GLG1: variants seen among roughly 807,000 people sequenced by gnomAD.
The protein encoded by GLG1 is golgi glycoprotein 1.
GLG1 carries 38 observed loss-of-function variants against 160.5 expected under a neutral mutation model. The ratio of observed to expected loss-of-function variants is 0.24; its 90% CI spans 0.18 to 0.31. GLG1 has a LOEUF of 0.31. GLG1 is among the 10% of genes least tolerant of loss of function. GLG1 has a pLI of 1.00. For synonymous variants in GLG1, 644 were observed against 543.4 expected, an observed-to-expected ratio of 1.19 and a Z score of -2.57; for missense variants, 1,373 against 1,505.2, an observed-to-expected ratio of 0.91 and a Z score of 1.45.
At chr16:74,472,306 T>G in intron 14 of GLG1, 43 bp downstream of exon 14, 2 of 1,365,222 alleles carry the variant, frequency 1.5e-6, no homozygotes, top group Non-Finnish European at 2.1e-6. Flanking sequence ...TCCCTGTCAA[T>G]TTGTTTCTGT....
intron 4 of GLG1, among the ~76,000 whole-genome samples, chr16:74,500,383 C>A (rs555973900): frequency 6.6e-6 from 1 of 151,910 alleles, no homozygotes; most frequent in Admixed American, 6.6e-5. Context: ...AATCTACTGC[C>A]ATTGCCTTGA....
intron 1 of GLG1, among the ~76,000 whole-genome samples, chr16:74,558,116 T>C (rs2143725365): frequency 6.6e-6 from 1 of 152,346 alleles, no homozygotes; most frequent in East Asian, 1.9e-4. Context: ...CTGATTTTCA[T>C]ATATTATATA....
chr16:74,464,835 T>TAA (rs71158516), intron 19 of GLG1, among the ~76,000 whole-genome samples: 1 of 151,730 alleles, frequency 6.6e-6, no homozygotes, highest in African/African-American at 2.4e-5. Flanking sequence ...AGTTTAAGTT[T>TAA]AAAAAAAATT....
At position 74,527,334 on chromosome 16, in the gene GLG1, C is replaced by T. The variant is rs190737614; in HGVS notation, c.471+4787G>A. Among the ~76,000 whole-genome samples the T allele has an allele frequency of 2.5e-3, 366 of 146,828 alleles. 2 individuals are homozygous for T. Among genetic ancestry groups the T allele is most frequent in the African/African-American group, 8.9e-3 (355 of 39,684 alleles). ...GCGCTATCTCGGCTCACTGCAACCT[C>T]TACCTCCCAGATTCAAGTGATTCTC... On this transcript the variant is annotated intron_variant, in intron 2 of 25. Transcript: ENST00000422840.
chr16:74,458,143 TG>T (rs2014635774), intron 23 of GLG1, 149 bp from the exon 24 acceptor site: 1 of 652,980 alleles, frequency 1.5e-6, no homozygotes, highest in African/African-American at 1.8e-5. Flanking sequence ...AAGGTGGTGA[TG>T]ATGTACAGAA....
At chr16:74,598,740 C>T (rs531441326) in intron 1 of GLG1, among the ~76,000 whole-genome samples, 2 of 151,116 alleles carry the variant, frequency 1.3e-5, no homozygotes, top group East Asian at 1.9e-4. Context: ...AAAAATTAGC[C>T]GGGTGTGCTG....
intron 1 of GLG1, among the ~76,000 whole-genome samples, chr16:74,568,094 T>C (rs2018711076): frequency 6.6e-6 from 1 of 152,090 alleles, no homozygotes; most frequent in Non-Finnish European, 1.5e-5. Context: ...CTGGGACACA[T>C]GGAGGAACAG....
chr16:74,550,884 T>C (rs1400437407), intron 1 of GLG1, among the ~76,000 whole-genome samples: 1 of 152,194 alleles, frequency 6.6e-6, no homozygotes, highest in Non-Finnish European at 1.5e-5. Context: ...GCAGTATCAG[T>C]GGGATGGAAT....
chr16:74,529,903 C>T lies in GLG1; in HGVS notation c.471+2218G>A, dbSNP rs147609361. Among the ~76,000 whole-genome samples the T allele has an allele frequency of 1.0e-4, 15 of 147,440 alleles. No homozygotes were observed. The East Asian group carries it at 3.1e-3, about 30-fold the overall frequency. ...ACGATCTCACTGCAACTTCTATCTC[C>T]CCGGTTCAAGCGATTTTCCTGTTTC... is the stretch of plus-strand genomic sequence containing the variant. On this transcript the variant is annotated intron_variant, in intron 2 of 25. Transcript: ENST00000422840.
chr16:74,589,792 C>A (rs917202443), intron 1 of GLG1, among the ~76,000 whole-genome samples: 1 of 152,012 alleles, frequency 6.6e-6, no homozygotes, highest in East Asian at 1.9e-4. Flanking sequence ...AAATTCTTGG[C>A]CGAGCACGGT....
At chr16:74,585,380 G>A (rs1958025190) in intron 1 of GLG1, among the ~76,000 whole-genome samples, 1 of 152,106 alleles carries the variant, frequency 6.6e-6, no homozygotes, top group Non-Finnish European at 1.5e-5. Context: ...GTGCACTGCA[G>A]CCTGGGCAAC....
At chr16:74,486,636 C>T (rs2015793855) in intron 8 of GLG1, among the ~76,000 whole-genome samples, 1 of 152,134 alleles carries the variant, frequency 6.6e-6, no homozygotes, top group South Asian at 2.1e-4. Flanking sequence ...AGGTACTTCA[C>T]ATTTTTTTTC....
At chr16:74,457,702 T>A (rs1321198482) in intron 24 of GLG1, among the ~76,000 whole-genome samples, 172 bp downstream of exon 24, 3 of 152,216 alleles carry the variant, frequency 2.0e-5, no homozygotes, top group African/African-American at 7.2e-5. Context: ...AAATTCATGA[T>A]GCCATAAAGG....
intron 9 of GLG1, among the ~76,000 whole-genome samples, chr16:74,485,191 G>C (rs2015747444): frequency 1.3e-5 from 2 of 152,176 alleles, no homozygotes; most frequent in African/African-American, 4.8e-5. Flanking sequence ...ACAGGCATGA[G>C]CTACTGCATC....
chr16:74,498,982 G>A (rs1466491740), intron 4 of GLG1, among the ~76,000 whole-genome samples: 1 of 148,698 alleles, frequency 6.7e-6, no homozygotes, highest in Non-Finnish European at 1.5e-5. Context: ...TAAAGGATTT[G>A]TCTATAGCAC....
Position 74,508,891 on chromosome 16 carries a change from T to A in GLG1, c.506A>T (p.Asp169Val), listed in dbSNP as rs754824681. 1 of 1,528,946 alleles carries A rather than the reference T, an allele frequency of 6.5e-7. No homozygotes were observed. Among genetic ancestry groups the A allele is most frequent in the South Asian group, 1.1e-5 (1 of 89,298 alleles). 94.7% of individuals were successfully genotyped at this position (1,528,946 alleles called of 1,614,324 possible). The change falls in exon 3 of 26, where the codon GAT becomes GTT. Residue 169 changes from aspartate to valine, a missense_variant. By Grantham distance (152) the Asp-to-Val change is radical. This residue lies in a region of GLG1 where 322 missense variants were observed against 254.6 expected (regional missense o/e 1.26). Coordinates refer to ENST00000422840, the MANE Select transcript of GLG1 (RefSeq NM_001145667.2). ...LWNYKLNLTT[D>V]PKFESVAREV... is the part of the protein sequence containing the mutation. The stretch of plus-strand genomic sequence containing the variant: ...TCTGGCCACAGATTCAAATTTGGGA[T>A]CTGTAGTTAGGTTCAGCTTATAATT...
At chr16:74,490,347 G>A (rs1369679843) in intron 8 of GLG1, among the ~76,000 whole-genome samples, 1 of 151,980 alleles carries the variant, frequency 6.6e-6, no homozygotes, top group African/African-American at 2.4e-5. Context: ...GATAGAAAAA[G>A]GACTCCCACC....
At chr16:74,486,721 T>C (rs1009070519) in intron 8 of GLG1, among the ~76,000 whole-genome samples, 6 of 152,308 alleles carry the variant, frequency 3.9e-5, no homozygotes, top group Admixed American at 6.5e-5. Flanking sequence ...CTATTAATAG[T>C]TCTGGCTCTG....
At chr16:74,598,739 C>T (rs1482767915) in intron 1 of GLG1, among the ~76,000 whole-genome samples, 1 of 151,222 alleles carries the variant, frequency 6.6e-6, no homozygotes, top group Non-Finnish European at 1.5e-5. Context: ...CAAAAATTAG[C>T]CGGGTGTGCT....
Sources: gnomAD v4.1 joint callset for allele counts (sites outside exome capture counted in the v4.1 genomes callset) on GRCh38, gnomAD v4.1.1 for gene constraint, gnomAD v4.1.1 regional missense constraint, MANE v1.5 for transcripts, NCBI Gene and HGNC (gene_info 2026-07-23, HGNC 2026-07-21) for gene names.